The following CDH2 variants were observed in gnomAD, a reference collection of about 807,000 sequenced individuals.
CDH2 encodes the protein cadherin 2, also known as cadherin-2.
Under a neutral mutation model 92.0 loss-of-function variants are expected in CDH2, and 17 were observed. That is an observed-to-expected ratio of 0.18 (90% confidence interval 0.13 to 0.28). CDH2 has a LOEUF of 0.28. CDH2 is among the 10% of genes least tolerant of loss of function. CDH2 has a pLI of 1.00. For synonymous variants in CDH2, 419 were observed against 415.9 expected, an observed-to-expected ratio of 1.01 and a Z score of -0.09; for missense variants, 862 against 1,133.1, an observed-to-expected ratio of 0.76 and a Z score of 3.44.
intron 2 of CDH2, among the ~76,000 whole-genome samples, chr18:28,068,051 A>G (rs1369214816): frequency 2.0e-5 from 3 of 152,200 alleles, no homozygotes; most frequent in Admixed American, 2.0e-4. Flanking sequence ...AGGGAGAAAA[A>G]CAGAATAATA....
intron 2 of CDH2, among the ~76,000 whole-genome samples, chr18:28,105,786 T>A (rs1184654708): frequency 1.3e-5 from 2 of 152,206 alleles, no homozygotes; most frequent in East Asian, 3.9e-4. Context: ...ATTAATAGAA[T>A]CTTAATAACC....
intron 14 of CDH2, among the ~76,000 whole-genome samples, chr18:27,963,987 A>G (rs2011476520): frequency 6.6e-6 from 1 of 152,164 alleles, no homozygotes; most frequent in Non-Finnish European, 1.5e-5. Context: ...TCTAGAGCAG[A>G]GGTCAGAAAA....
intron 9 of CDH2, among the ~76,000 whole-genome samples, 181 bp downstream of exon 9, chr18:27,992,474 C>T (rs984665782): frequency 6.6e-6 from 1 of 152,170 alleles, no homozygotes; most frequent in Admixed American, 6.5e-5. Context: ...CTGATGTTGG[C>T]CTTAGCCTCA....
chr18:28,041,688 T>A (rs908104928), intron 2 of CDH2, among the ~76,000 whole-genome samples: 4 of 152,214 alleles, frequency 2.6e-5, no homozygotes, highest in Admixed American at 6.5e-5. Flanking sequence ...GTGCAGGCAG[T>A]ATGGGCCTGC....
chr18:27,955,817 C>A (rs2011234232), intron 15 of CDH2, among the ~76,000 whole-genome samples: 1 of 135,368 alleles, frequency 7.4e-6, no homozygotes, highest in Non-Finnish European at 1.5e-5. Context: ...TAGAGAGAGA[C>A]CACTGTGCTA....
intron 2 of CDH2, among the ~76,000 whole-genome samples, chr18:28,018,893 G>A (rs2013329475): frequency 7.1e-6 from 1 of 140,014 alleles, no homozygotes; most frequent in Middle Eastern, 3.8e-3. Context: ...ATATATATAT[G>A]TACATATATA....
intron 2 of CDH2, among the ~76,000 whole-genome samples, chr18:28,098,924 G>C (rs1393762497): frequency 1.1e-4 from 16 of 152,092 alleles, no homozygotes. Flanking sequence ...TGAATTTTCA[G>C]ATATGGACTT....
At chr18:28,158,161 T>C (rs2016251151) in intron 1 of CDH2, among the ~76,000 whole-genome samples, 2 of 152,180 alleles carry the variant, frequency 1.3e-5, no homozygotes, top group East Asian at 1.9e-4. Context: ...TCTGAGTCCC[T>C]GATAAGATAA....
intron 2 of CDH2, among the ~76,000 whole-genome samples, chr18:28,141,924 C>T (rs890399028): frequency 2.6e-5 from 4 of 151,912 alleles, no homozygotes; most frequent in Admixed American, 2.0e-4. Flanking sequence ...TGAACCATCA[C>T]CAACATCAGT....
At chr18:28,016,568 A>T (rs1019824161) in intron 2 of CDH2, among the ~76,000 whole-genome samples, 1 of 152,148 alleles carries the variant, frequency 6.6e-6, no homozygotes, top group Admixed American at 6.6e-5. Context: ...ATTATGTCAC[A>T]TGTTAACCTT....
At chr18:27,975,959 C>T (rs1311126019) in intron 14 of CDH2, among the ~76,000 whole-genome samples, 2 of 152,194 alleles carry the variant, frequency 1.3e-5, no homozygotes, top group Admixed American at 1.3e-4. Context: ...CTCTCTCTGA[C>T]ATCCAGCTGC....
intron 2 of CDH2, among the ~76,000 whole-genome samples, chr18:28,102,352 T>A (rs2015240590): frequency 6.6e-6 from 1 of 152,030 alleles, no homozygotes. Context: ...TCAAGCACAG[T>A]GAGGGTATTC....
At chr18:28,002,938 T>G (rs1271409272) in intron 7 of CDH2, 59 bp downstream of exon 7, 24 of 1,401,262 alleles carry the variant, frequency 1.7e-5, no homozygotes, top group Non-Finnish European at 2.3e-5. Flanking sequence ...GTATGTGATA[T>G]GATATTGTGC....
intron 2 of CDH2, among the ~76,000 whole-genome samples, chr18:28,019,420 G>A (rs1259430533): frequency 6.6e-6 from 1 of 151,936 alleles, no homozygotes; most frequent in East Asian, 1.9e-4. Flanking sequence ...GTAGGATAAG[G>A]GTTTGACAGA....
intron 2 of CDH2, among the ~76,000 whole-genome samples, chr18:28,145,145 T>C (rs1031020997): frequency 6.6e-6 from 1 of 152,088 alleles, no homozygotes; most frequent in Non-Finnish European, 1.5e-5. Context: ...CAAAGTCTAG[T>C]GTGTCAGATG....
chr18:28,008,993 A>C (rs912833687), intron 5 of CDH2, among the ~76,000 whole-genome samples: 1 of 152,152 alleles, frequency 6.6e-6, no homozygotes, highest in Non-Finnish European at 1.5e-5. Context: ...AACTCTGCAG[A>C]GGTTAAAAAT....
Position 28,013,774 on chromosome 18 carries a change from A to G in CDH2, c.308T>C (p.Leu103Pro). ...FPLSSEHAKF[L>P]IYAQDKETQE... ...GGTCTCTTTGTCTTGGGCATATATCAGGAACTTGGCATGCTCAGAAGAGAG... is the reference window on the plus strand; with the variant it reads ...GGTCTCTTTGTCTTGGGCATATATCGGGAACTTGGCATGCTCAGAAGAGAG... Residue 103 changes from leucine to proline, a missense_variant, in exon 3 of 16, where the codon CTG (leucine) becomes CCG (proline). Physicochemically the swap from Leu to Pro is moderately conservative, Grantham distance 98. Coordinates refer to ENST00000269141, the MANE Select transcript of CDH2 (RefSeq NM_001792.5). 1 of 1,614,054 alleles carries G rather than the reference A, an allele frequency of 6.2e-7. No homozygotes were observed. The highest frequency in any genetic ancestry group is 8.5e-7 in the Non-Finnish European group (1 of 1,179,952).
intron 14 of CDH2, chr18:27,963,775 A>G: frequency 2.2e-6 from 1 of 445,286 alleles, no homozygotes; most frequent in Non-Finnish European, 4.1e-6. Context: ...AATGAAAAAC[A>G]GCAGTGTGAT....
chr18:28,007,945 G>C (rs751100958), intron 5 of CDH2, among the ~76,000 whole-genome samples: 1 of 152,090 alleles, frequency 6.6e-6, no homozygotes, highest in Non-Finnish European at 1.5e-5. Flanking sequence ...TGTTGGCCAG[G>C]CTGGTCTGGA....
Sources: gnomAD v4.1 joint callset for allele counts (sites outside exome capture counted in the v4.1 genomes callset) on GRCh38, gnomAD v4.1.1 for gene constraint, MANE v1.5 for transcripts, NCBI Gene and HGNC (gene_info 2026-07-23, HGNC 2026-07-21) for gene names.